The following TRDMT1 variants were observed in gnomAD, a reference collection of about 807,000 sequenced individuals.
The protein encoded by TRDMT1 is tRNA aspartic acid methyltransferase 1.
In TRDMT1, 49 loss-of-function variants were observed where a neutral mutation model predicts 51.2. The observed-to-expected ratio is 0.96, with a 90% CI of 0.76 to 1.21. TRDMT1 has a LOEUF of 1.21. TRDMT1 is among the 50% of genes most tolerant of loss of function. The pLI, the probability that TRDMT1 is intolerant of heterozygous loss-of-function variation, is 0.00. For missense variants in TRDMT1, 534 were observed against 462.3 expected (o/e 1.16, Z -1.42); for synonymous variants, 187 against 164.6 (o/e 1.14, Z -1.04).
chr10:17,146,472 C>T lies in TRDMT1; in HGVS notation c.*2568G>A. 1.0e-6 allele frequency: 1 copy of T among 985,352 alleles called. No homozygotes were observed. The highest frequency in any genetic ancestry group is 1.2e-6 in the Non-Finnish European group (1 of 829,900). The allele number at this position is 985,352 out of a possible 1,614,324, so 61.0% of individuals were successfully genotyped here. ...TACCCACCTCTTCGAAATCATTTTC[C>T]AACTATGACTCATTTTGTTTACATT... On this transcript the variant is annotated 3_prime_UTR_variant, in exon 11 of 11. Transcript: ENST00000377799.
At chr10:17,170,266 T>G (rs1364636747) in intron 2 of TRDMT1, among the ~76,000 whole-genome samples, 11 of 152,170 alleles carry the variant, frequency 7.2e-5, no homozygotes, top group Admixed American at 3.9e-4. Context: ...ATCACTAAAT[T>G]GAACCCTTCA....
At chr10:17,193,234 A>G (rs4133467) in intron 1 of TRDMT1, among the ~76,000 whole-genome samples, 42,941 of 151,972 alleles carry the variant, frequency 0.28, 6,317 homozygotes, top group Middle Eastern at 0.38. Flanking sequence ...ATGGTGGCGC[A>G]TGCCTGTAGT....
intron 1 of TRDMT1, among the ~76,000 whole-genome samples, chr10:17,191,629 A>G (rs1844697086): frequency 6.6e-6 from 1 of 152,172 alleles, no homozygotes; most frequent in African/African-American, 2.4e-5. Context: ...GGAGGGCTGT[A>G]TCTGCTGTGG....
At chr10:17,176,398 T>G (rs1842621991) in intron 1 of TRDMT1, among the ~76,000 whole-genome samples, 1 of 152,160 alleles carries the variant, frequency 6.6e-6, no homozygotes, top group African/African-American at 2.4e-5. Flanking sequence ...ATAATTAATT[T>G]TATGTTCTTG....
At chr10:17,169,024 T>C in intron 2 of TRDMT1, 107 bp from the exon 3 acceptor site, 1 of 750,008 alleles carries the variant, frequency 1.3e-6, no homozygotes, top group African/African-American at 1.8e-5. Context: ...TGAAACAGTT[T>C]ATAATACAAT....
intron 1 of TRDMT1, among the ~76,000 whole-genome samples, chr10:17,197,699 C>T (rs1458652017): frequency 6.6e-6 from 1 of 152,054 alleles, no homozygotes; most frequent in African/African-American, 2.4e-5. Flanking sequence ...ACAGACACTT[C>T]TCTGTATTGA....
chr10:17,175,771 T>C (rs1279553863), intron 1 of TRDMT1, among the ~76,000 whole-genome samples: 1 of 150,610 alleles, frequency 6.6e-6, no homozygotes, highest in African/African-American at 2.4e-5. Context: ...GGAGAAAGGC[T>C]CACACACGCT....
intron 2 of TRDMT1, among the ~76,000 whole-genome samples, chr10:17,173,258 A>AC (rs1226067419): frequency 3.3e-5 from 5 of 152,210 alleles, no homozygotes; most frequent in Non-Finnish European, 7.3e-5. Flanking sequence ...CTTTACTTGT[A>AC]ATGGTAAAAA....
Position 17,161,538 on chromosome 10 carries a change from AT to A in TRDMT1, c.333del (p.Lys111AsnfsTer23). Reference protein sequence around the residue: ...HILDILPRLQKLPKYILLENV... With the variant: ...HILDILPRLQXLPKYILLENV... ...TTTTCCAAAAGAATATACTTTGGTA[AT>A]TTTTGTAATCTATAAAAAAATAAAC... On this transcript the variant is annotated frameshift_variant, in exon 5 of 11. Transcript: ENST00000377799. LOFTEE classifies it high-confidence loss of function. 7.8e-7 allele frequency: 1 copy of A among 1,288,078 alleles called. No individual in the cohort carries two copies. The allele number at this position is 1,288,078 out of a possible 1,614,324, so 79.8% of individuals were successfully genotyped here.
intron 1 of TRDMT1, among the ~76,000 whole-genome samples, chr10:17,195,361 C>T (rs1320003934): frequency 6.6e-6 from 1 of 152,114 alleles, no homozygotes; most frequent in East Asian, 1.9e-4. Flanking sequence ...AAACAGAAAA[C>T]CAAATACCTC....
chr10:17,191,671 T>C (rs1251387544), intron 1 of TRDMT1, among the ~76,000 whole-genome samples: 1 of 152,146 alleles, frequency 6.6e-6, no homozygotes, highest in Admixed American at 6.5e-5. Context: ...GTAGAGACGC[T>C]ACTGGGTCTG....
At chr10:17,180,346 G>A (rs999214417) in intron 1 of TRDMT1, among the ~76,000 whole-genome samples, 5 of 151,994 alleles carry the variant, frequency 3.3e-5, no homozygotes, top group Admixed American at 2.6e-4. Context: ...TTTGAGACCA[G>A]CCTGGCCAAC....
intron 3 of TRDMT1, among the ~76,000 whole-genome samples, chr10:17,164,382 G>A (rs1317194269): frequency 6.6e-6 from 1 of 152,216 alleles, no homozygotes; most frequent in African/African-American, 2.4e-5. Flanking sequence ...AATAATAAGA[G>A]CTATCTATGA....
Position 17,139,182 on chromosome 10 carries a change from C to A in TRDMT1, c.*9858G>T, listed in dbSNP as rs1465521794. The A allele has an allele frequency of 2.0e-6, 2 of 985,208 alleles. No homozygotes were observed. The highest frequency in any genetic ancestry group is 4.7e-5 in the South Asian group (1 of 21,290). The allele number at this position is 985,208 out of a possible 1,614,324, so 61.0% of individuals were successfully genotyped here. ...AGTTTACCATAGGTGAACCCTCCTG[C>A]CATCCTGTTCCAAATCAACCTAAAA... is the stretch of plus-strand genomic sequence containing the variant. On this transcript the variant is annotated 3_prime_UTR_variant, in exon 11 of 11. Coordinates refer to ENST00000377799, the MANE Select transcript of TRDMT1 (RefSeq NM_004412.7).
intron 5 of TRDMT1, among the ~76,000 whole-genome samples, chr10:17,161,021 A>C (rs1050714988): frequency 2.0e-5 from 3 of 152,200 alleles, no homozygotes; most frequent in South Asian, 2.1e-4. Flanking sequence ...AGATGGGAGC[A>C]CTGTTACAGA....
At chr10:17,198,644 G>C (rs1439215804) in intron 1 of TRDMT1, among the ~76,000 whole-genome samples, 1 of 152,160 alleles carries the variant, frequency 6.6e-6, no homozygotes. Context: ...GGACTGGGGG[G>C]AAAGGGAATT....
At position 17,139,417 on chromosome 10, in the gene TRDMT1, T is replaced by C. The variant is rs1215655326; in HGVS notation, c.*9623A>G. 6.6e-6 allele frequency among the ~76,000 whole-genome samples: 1 copy of C among 152,116 alleles called. No homozygotes were observed. Among genetic ancestry groups the C allele is most frequent in the Non-Finnish European group, 1.5e-5 (1 of 68,022 alleles). On this transcript the variant is annotated 3_prime_UTR_variant, in exon 11 of 11. Transcript: ENST00000377799. ...TCTTAGGAAAAGGGGAAAGTACATC[T>C]TTGTGATGATATTTTGTGTTCTATT... is the stretch of plus-strand genomic sequence containing the variant.
At chr10:17,162,329 A>G (rs995019709) in intron 3 of TRDMT1, 92 bp from the exon 4 acceptor site, 3 of 1,226,806 alleles carry the variant, frequency 2.4e-6, no homozygotes, top group African/African-American at 3.1e-5. Flanking sequence ...TTTAAGTCAA[A>G]AGGAGAATAA....
intron 2 of TRDMT1, among the ~76,000 whole-genome samples, chr10:17,174,193 A>G (rs1842373435): frequency 6.6e-6 from 1 of 152,200 alleles, no homozygotes; most frequent in African/African-American, 2.4e-5. Flanking sequence ...AAAGCCAATG[A>G]TTTTCTCCCT....
Sources: gnomAD v4.1 joint callset for allele counts (sites outside exome capture counted in the v4.1 genomes callset) on GRCh38, gnomAD v4.1.1 for gene constraint, MANE v1.5 for transcripts, NCBI Gene and HGNC (gene_info 2026-07-23, HGNC 2026-07-21) for gene names.